The following EDN1 variants were observed in gnomAD, a reference collection of about 807,000 sequenced individuals.
The protein encoded by EDN1 is endothelin 1.
Under a neutral mutation model 21.7 loss-of-function variants are expected in EDN1, and 11 were observed. The observed-to-expected ratio is 0.51, with a 90% CI of 0.32 to 0.84. The LOEUF (loss-of-function observed/expected upper bound fraction) is 0.84, where lower values mean the gene tolerates loss of function less well. Among genes scored for constraint, EDN1 ranks in the 40% least tolerant of loss-of-function variants. The pLI, the probability that EDN1 is intolerant of heterozygous loss-of-function variation, is 0.03. For synonymous variants in EDN1, 85 were observed against 90.6 expected (o/e 0.94, Z 0.35); for missense variants, 244 against 262.3 (o/e 0.93, Z 0.48).
the EDN1 span, among the ~76,000 whole-genome samples, chr6:12,247,307 G>A: frequency 6.6e-6 from 1 of 152,094 alleles, no homozygotes; most frequent in Non-Finnish European, 1.5e-5. Flanking sequence ...GCTGGAGGGT[G>A]AATGTGGGTA....
At chr6:12,237,703 G>T in the EDN1 span, among the ~76,000 whole-genome samples, 20 of 152,176 alleles carry the variant, frequency 1.3e-4, no homozygotes, top group East Asian at 2.7e-3. Context: ...AGACACTGTT[G>T]TCCTATGGGA....
the EDN1 span, among the ~76,000 whole-genome samples, chr6:12,242,375 G>GTGAC: frequency 7.7e-6 from 1 of 130,588 alleles, no homozygotes; most frequent in Non-Finnish European, 1.8e-5. Flanking sequence ...GGAGTGAGTA[G>GTGAC]TGACCTCTGA....
At chr6:12,295,041 G>A (rs553611473) in intron 4 of EDN1, among the ~76,000 whole-genome samples, 3 of 150,810 alleles carry the variant, frequency 2.0e-5, no homozygotes, top group Admixed American at 6.7e-5. Flanking sequence ...TCTGGATTAG[G>A]CAACATCATA....
At chr6:12,257,888 T>C in the EDN1 span, among the ~76,000 whole-genome samples, 27 of 152,294 alleles carry the variant, frequency 1.8e-4, no homozygotes, top group African/African-American at 6.5e-4. Context: ...GTCGTCCCAG[T>C]CTAGCAGGGC....
At chr6:12,234,707 A>G in the EDN1 span, among the ~76,000 whole-genome samples, 1 of 152,228 alleles carries the variant, frequency 6.6e-6, no homozygotes, top group Non-Finnish European at 1.5e-5. Flanking sequence ...AACTGCCAGA[A>G]TCCTACCTGG....
the EDN1 span, among the ~76,000 whole-genome samples, chr6:12,242,435 T>C: frequency 1.3e-5 from 2 of 152,198 alleles, no homozygotes; most frequent in Non-Finnish European, 2.9e-5. Context: ...CTGCCTCTGC[T>C]ACTTTGTGAC....
the EDN1 span, among the ~76,000 whole-genome samples, chr6:12,273,604 C>CAT: frequency 1.2e-5 from 1 of 83,380 alleles, no homozygotes; most frequent in African/African-American, 5.1e-5. Context: ...GTAGGCAGGA[C>CAT]TTTTTTTTTT....
chr6:12,269,730 T>G, the EDN1 span, among the ~76,000 whole-genome samples: 1 of 152,100 alleles, frequency 6.6e-6, no homozygotes, highest in Non-Finnish European at 1.5e-5. Context: ...AACTTTTTTT[T>G]GCATCCATGT....
chr6:12,270,519 A>G, the EDN1 span, among the ~76,000 whole-genome samples: 1 of 151,752 alleles, frequency 6.6e-6, no homozygotes, highest in Non-Finnish European at 1.5e-5. Context: ...TTTCCTTTTT[A>G]ATTTCTTTAT....
intron 1 of EDN1, among the ~76,000 whole-genome samples, chr6:12,291,762 T>C (rs1422609398): frequency 6.6e-6 from 1 of 152,158 alleles, no homozygotes; most frequent in East Asian, 1.9e-4. Context: ...GAATTGAATA[T>C]TGAATAGTTA....
the EDN1 span, among the ~76,000 whole-genome samples, chr6:12,240,394 C>G: frequency 2.6e-5 from 4 of 152,166 alleles, no homozygotes; most frequent in Non-Finnish European, 5.9e-5. Context: ...CCAGTGGGAT[C>G]TGATAATATT....
chr6:12,292,550 G>A (rs1459346833), intron 2 of EDN1, 41 bp downstream of exon 2: 1 of 1,612,600 alleles, frequency 6.2e-7, no homozygotes, highest in East Asian at 2.2e-5. Flanking sequence ...TCATTCATTA[G>A]CGCTGGCTCC....
At chr6:12,271,120 A>C in the EDN1 span, among the ~76,000 whole-genome samples, 206 of 151,598 alleles carry the variant, frequency 1.4e-3, no homozygotes, top group Middle Eastern at 3.4e-3. Flanking sequence ...TTTTTTTTTT[A>C]AACTCTATTT....
At chr6:12,289,074 CT>C (rs10478690), upstream of EDN1, among the ~76,000 whole-genome samples, 200 of 152,262 alleles carry the variant, frequency 1.3e-3, no homozygotes, top group African/African-American at 4.3e-3. Flanking sequence ...TTCCATGCAC[CT>C]TTTGCTTTCT....
At chr6:12,256,884 T>G in the EDN1 span, among the ~76,000 whole-genome samples, 1 of 152,222 alleles carries the variant, frequency 6.6e-6, no homozygotes, top group Non-Finnish European at 1.5e-5. Flanking sequence ...TGTGACTATT[T>G]CAGGAGTAAT....
the EDN1 span, among the ~76,000 whole-genome samples, chr6:12,252,497 A>G: frequency 1.3e-5 from 2 of 152,198 alleles, no homozygotes; most frequent in East Asian, 3.8e-4. Flanking sequence ...AGGGTTCTGC[A>G]GCTTGCTAGA....
the EDN1 span, among the ~76,000 whole-genome samples, chr6:12,275,721 G>A: frequency 2.0e-5 from 3 of 151,990 alleles, no homozygotes; most frequent in Admixed American, 6.6e-5. Context: ...CCTTGCACCC[G>A]TGTCTCCCTT....
At chr6:12,245,497 C>G in the EDN1 span, among the ~76,000 whole-genome samples, 2 of 152,162 alleles carry the variant, frequency 1.3e-5, no homozygotes, top group African/African-American at 4.8e-5. Flanking sequence ...TAACTGAAAA[C>G]CTGGGGGGAA....
chr6:12,277,829 A>G, the EDN1 span, among the ~76,000 whole-genome samples: 1 of 152,222 alleles, frequency 6.6e-6, no homozygotes, highest in African/African-American at 2.4e-5. Flanking sequence ...AACCTGGGGA[A>G]TGGTAGACCT....
Sources: gnomAD v4.1 joint callset for allele counts (sites outside exome capture counted in the v4.1 genomes callset) on GRCh38, gnomAD v4.1.1 for gene constraint, MANE v1.5 for transcripts, NCBI Gene and HGNC (gene_info 2026-07-23, HGNC 2026-07-21) for gene names.